The following FBXO15 variants were observed in gnomAD, a reference collection of about 807,000 sequenced individuals.
FBXO15 encodes the protein F-box protein 15.
Under a neutral mutation model 49.5 loss-of-function variants are expected in FBXO15, and 30 were observed. The observed-to-expected ratio is 0.61, with a 90% CI of 0.45 to 0.82. The LOEUF (loss-of-function observed/expected upper bound fraction) is 0.82. Ranked by LOEUF, FBXO15 falls within the 40% of genes least tolerant of loss-of-function variation. The probability of loss-of-function intolerance (pLI) is 0.00; values close to 1 mark genes in which losing one functional copy is unlikely to be tolerated. For missense variants in FBXO15, 591 were observed against 631.5 expected (o/e 0.94, Z 0.69); for synonymous variants, 250 against 232.7 (o/e 1.07, Z -0.68).
At chr18:74,141,926 T>C (rs1979100938) in intron 1 of FBXO15, among the ~76,000 whole-genome samples, 1 of 152,016 alleles carries the variant, frequency 6.6e-6, no homozygotes, top group African/African-American at 2.4e-5. Context: ...CCTTTGTGAA[T>C]TTTTCTCTCT....
intron 1 of FBXO15, among the ~76,000 whole-genome samples, chr18:74,140,929 A>T (rs1453509038): frequency 1.3e-5 from 2 of 152,242 alleles, no homozygotes; most frequent in Admixed American, 6.5e-5. Context: ...AACATAAAAC[A>T]CAATCTACAA....
intron 8 of FBXO15, among the ~76,000 whole-genome samples, chr18:74,090,807 G>A (rs1359032249): frequency 6.6e-6 from 1 of 152,126 alleles, no homozygotes; most frequent in Non-Finnish European, 1.5e-5. Context: ...ATTTGCTGAT[G>A]ATTGTTTTAT....
At chr18:74,128,005 A>G (rs148977129) in intron 5 of FBXO15, among the ~76,000 whole-genome samples, 1 of 152,322 alleles carries the variant, frequency 6.6e-6, no homozygotes, top group African/African-American at 2.4e-5. Flanking sequence ...TGAAATGCAT[A>G]AAGCCTAATT....
In FBXO15 at chr18:74,112,853, G is replaced by A. The variant is rs189247427; in HGVS notation, c.1138+10515C>T. Among the ~76,000 whole-genome samples the A allele has an allele frequency of 3.3e-5, 5 of 152,346 alleles. No homozygotes were observed. The East Asian group carries it at 9.6e-4, about 29-fold the overall frequency. Reference sequence around the variant, plus strand: ...GCAACAGTAACTTTCATTTATGGCTGTTAGTGATGCAAAATGCTACAGTCA... The same window carrying A: ...GCAACAGTAACTTTCATTTATGGCTATTAGTGATGCAAAATGCTACAGTCA... On this transcript the variant is annotated intron_variant, in intron 8 of 9. Transcript: ENST00000419743.
chr18:74,082,697 C>T (rs568811930), intron 8 of FBXO15, among the ~76,000 whole-genome samples: 3 of 152,172 alleles, frequency 2.0e-5, no homozygotes, highest in South Asian at 2.1e-4. Context: ...CAGGGAGAGC[C>T]GCAGCACCAC....
intron 2 of FBXO15, among the ~76,000 whole-genome samples, chr18:74,139,425 T>C (rs1029946097): frequency 6.6e-6 from 1 of 152,218 alleles, no homozygotes; most frequent in Non-Finnish European, 1.5e-5. Flanking sequence ...TCCCAGAGCA[T>C]AGGGTTTTAA....
intron 8 of FBXO15, among the ~76,000 whole-genome samples, chr18:74,106,052 G>T (rs1913745637): frequency 6.6e-6 from 1 of 152,048 alleles, no homozygotes; most frequent in African/African-American, 2.4e-5. Context: ...AACAAGAAAA[G>T]CTTGAAGTAT....
At chr18:74,145,648 A>G (rs1979363338) in intron 1 of FBXO15, among the ~76,000 whole-genome samples, 1 of 125,792 alleles carries the variant, frequency 7.9e-6, no homozygotes, top group Non-Finnish European at 1.5e-5. Flanking sequence ...CCCAGGCTGG[A>G]GTGCAGTGGC....
chr18:74,147,472 T>C (rs1979508838), intron 1 of FBXO15, 198 bp downstream of exon 1: 8 of 1,214,656 alleles, frequency 6.6e-6, no homozygotes, highest in Middle Eastern at 3.2e-4. Flanking sequence ...GGCTACTCTA[T>C]TTGTGTCATA....
In FBXO15 at chr18:74,074,503, G is replaced by A. The variant is rs1334385177; in HGVS notation, c.1264-773C>T. On this transcript the variant is annotated intron_variant, in intron 9 of 9. Coordinates refer to ENST00000419743, the MANE Select transcript of FBXO15 (RefSeq NM_001142958.2). This position sits in a 1 kb window ranked among gnomAD's most constrained non-coding sequence, Gnocchi z 4.7. Reference sequence around the variant, plus strand: ...CACATGGCCGACACAGCACTTCCCGGAAGTGGTCCACTTTCACTATCCATG... The same window carrying A: ...CACATGGCCGACACAGCACTTCCCGAAAGTGGTCCACTTTCACTATCCATG... Among the ~76,000 whole-genome samples, 1 of 152,148 alleles carries A rather than the reference G, an allele frequency of 6.6e-6. No homozygotes were observed. The highest frequency in any genetic ancestry group is 1.5e-5 in the Non-Finnish European group (1 of 68,030).
At chr18:74,088,875 T>C (rs920029419) in intron 8 of FBXO15, among the ~76,000 whole-genome samples, 2 of 152,256 alleles carry the variant, frequency 1.3e-5, no homozygotes, top group Admixed American at 6.5e-5. Context: ...TGAATTTCAC[T>C]GAGCAGTGTT....
intron 8 of FBXO15, among the ~76,000 whole-genome samples, chr18:74,105,886 G>T (rs1484724762): frequency 6.6e-6 from 1 of 152,116 alleles, no homozygotes; most frequent in Admixed American, 6.5e-5. Context: ...GATTTAATAT[G>T]AATCTGCTCA....
At chr18:74,087,249 T>G (rs1247599492) in intron 8 of FBXO15, among the ~76,000 whole-genome samples, 1 of 152,130 alleles carries the variant, frequency 6.6e-6, no homozygotes, top group Non-Finnish European at 1.5e-5. Context: ...TTTTAAACTT[T>G]TATTTTGGTT....
In FBXO15 at chr18:74,077,203, C is replaced by T. The variant is rs115569713; in HGVS notation, c.1264-3473G>A. Among the ~76,000 whole-genome samples, 625 of 152,292 alleles carry T rather than the reference C, an allele frequency of 4.1e-3. 3 individuals carry two copies. The highest frequency in any genetic ancestry group is 0.014 in the African/African-American group (596 of 41,556). On this transcript the variant is annotated intron_variant, in intron 9 of 9. Transcript: ENST00000419743. ...ATGCACACAGTCACTGAAGCTCAAC[C>T]ACTATGTGCTGAATGAATGAATGAG...
chr18:74,100,036 G>A (rs552350477), intron 8 of FBXO15: 2 of 152,156 alleles, frequency 1.3e-5, no homozygotes, highest in East Asian at 3.9e-4. Context: ...AAGAAACAAT[G>A]GATTTAAACT....
chr18:74,122,080 G>C (rs1185220253), intron 8 of FBXO15, among the ~76,000 whole-genome samples: 1 of 152,158 alleles, frequency 6.6e-6, no homozygotes, highest in Non-Finnish European at 1.5e-5. Context: ...ATTTGCAAGT[G>C]ACCTACGAGG....
At chr18:74,120,778 T>A in intron 8 of FBXO15, among the ~76,000 whole-genome samples, 1 of 150,866 alleles carries the variant, frequency 6.6e-6, no homozygotes, top group African/African-American at 2.4e-5. Context: ...AAACAGAAAA[T>A]TACAACATAA....
Position 74,130,442 on chromosome 18 carries a change from A to G in FBXO15, c.549T>C (p.Leu183=). The G allele has an allele frequency of 6.2e-7, 1 of 1,614,170 alleles. No homozygotes were observed. ...TGAGGGCCTCTTTGGTCTTAACTGG[A>G]AGGCCTGTGTAAGGGTTGACAGGTT... is the stretch of plus-strand genomic sequence containing the variant. The part of the protein sequence containing the change: ...ILKPVNPYTG[L]PVKTKEALRI... The change falls in exon 4 of 10, where the codon CTT becomes CTC. Residue 183 remains leucine, a synonymous_variant. Coordinates refer to ENST00000419743, the MANE Select transcript of FBXO15 (RefSeq NM_001142958.2).
At chr18:74,092,812 T>C (rs902741111) in intron 8 of FBXO15, among the ~76,000 whole-genome samples, 1 of 152,140 alleles carries the variant, frequency 6.6e-6, no homozygotes, top group Admixed American at 6.5e-5. Flanking sequence ...TGGTGCCAGA[T>C]AAAGCATCAT....
Sources: gnomAD v4.1 joint callset for allele counts (sites outside exome capture counted in the v4.1 genomes callset) on GRCh38, gnomAD v4.1.1 for gene constraint, Gnocchi (gnomAD v3.1) non-coding constraint, MANE v1.5 for transcripts, NCBI Gene and HGNC (gene_info 2026-07-23, HGNC 2026-07-21) for gene names.